MATN2: variants seen among roughly 807,000 people sequenced by gnomAD.
MATN2 encodes matrilin-2.
Under a neutral mutation model 103.2 loss-of-function variants are expected in MATN2, and 69 were observed. That is an observed-to-expected ratio of 0.67 (90% CI 0.55 to 0.82). The LOEUF (loss-of-function observed/expected upper bound fraction) is 0.82, where lower values mean the gene tolerates loss of function less well. Among genes scored for constraint, MATN2 ranks in the 40% least tolerant of loss-of-function variants. The pLI is 0.00. For missense variants in MATN2, 1,023 were observed against 1,211.5 expected (o/e 0.84, Z 2.31); for synonymous variants, 429 against 450.2 (o/e 0.95, Z 0.60).
At chr8:97,918,240 G>C (rs550598389) in intron 2 of MATN2, among the ~76,000 whole-genome samples, 1 of 152,328 alleles carries the variant, frequency 6.6e-6, no homozygotes, top group Admixed American at 6.5e-5. Flanking sequence ...ACCCTGCCTA[G>C]CTCTACAGTC....
At chr8:97,927,986 G>C (rs1223883224) in intron 2 of MATN2, among the ~76,000 whole-genome samples, 1 of 152,096 alleles carries the variant, frequency 6.6e-6, no homozygotes, top group African/African-American at 2.4e-5. Flanking sequence ...CAGGGTCTAA[G>C]CCTGGCCCCT....
intron 5 of MATN2, among the ~76,000 whole-genome samples, chr8:97,969,154 G>C (rs1811576916): frequency 6.6e-6 from 1 of 152,210 alleles, no homozygotes; most frequent in Admixed American, 6.5e-5. Flanking sequence ...CAGGTCTCAT[G>C]TGAACTAACT....
chr8:97,992,958 T>TAAC (rs1554612528), intron 6 of MATN2, among the ~76,000 whole-genome samples: 8 of 146,030 alleles, frequency 5.5e-5, no homozygotes, highest in Middle Eastern at 3.5e-3. Context: ...ATAATAATAA[T>TAAC]AACAACAATA....
intron 13 of MATN2, chr8:98,025,771 C>T (rs1813773146): frequency 4.5e-6 from 2 of 444,664 alleles, no homozygotes; most frequent in Non-Finnish European, 9.0e-6. Context: ...ATGAGATAAT[C>T]CATTTTGGAT....
At chr8:97,876,758 C>T (rs937212068) in intron 1 of MATN2, among the ~76,000 whole-genome samples, 2 of 152,142 alleles carry the variant, frequency 1.3e-5, no homozygotes, top group African/African-American at 4.8e-5. Flanking sequence ...CACCCAGAAT[C>T]CCCGCTCAGG....
intron 5 of MATN2, among the ~76,000 whole-genome samples, chr8:97,977,444 C>T (rs1440708378): frequency 2.0e-5 from 3 of 151,934 alleles, no homozygotes; most frequent in Admixed American, 1.3e-4. Context: ...AGGCCACATT[C>T]GTAGGTACCA....
intron 2 of MATN2, among the ~76,000 whole-genome samples, chr8:97,929,852 C>T (rs1050770783): frequency 6.6e-6 from 1 of 152,172 alleles, no homozygotes; most frequent in African/African-American, 2.4e-5. Flanking sequence ...TGTAACTTCC[C>T]TATGGGAGAG....
At chr8:97,906,699 G>GCAT (rs1328095870) in intron 2 of MATN2, among the ~76,000 whole-genome samples, 1 of 152,230 alleles carries the variant, frequency 6.6e-6, no homozygotes, top group Non-Finnish European at 1.5e-5. Flanking sequence ...ATGCCTGTGT[G>GCAT]CAGATCAAAC....
intron 10 of MATN2, among the ~76,000 whole-genome samples, chr8:98,015,450 G>A (rs549462842): frequency 2.0e-5 from 3 of 151,476 alleles, no homozygotes; most frequent in South Asian, 2.1e-4. Context: ...CCAGGCTCCC[G>A]GATGCTCCAG....
At chr8:97,901,837 G>A (rs530067308) in intron 2 of MATN2, among the ~76,000 whole-genome samples, 83 of 152,116 alleles carry the variant, frequency 5.5e-4, no homozygotes, top group Admixed American at 3.5e-3. Context: ...TTTGTAGAGG[G>A]GATATATTTG....
rs368966413 is a variant in MATN2, at chr8:98,007,257, G to A, written c.1450+30G>A. Reference sequence around the variant, plus strand: ...GTCCCTCCGCGCTCCTCTCATAGGGGAAGGTTTGCACCAGGAGTGAAACCT... The same window carrying A: ...GTCCCTCCGCGCTCCTCTCATAGGGAAAGGTTTGCACCAGGAGTGAAACCT... On this transcript the variant is annotated intron_variant, in intron 9 of 18. Coordinates refer to ENST00000254898, the MANE Select transcript of MATN2 (RefSeq NM_002380.5). This position sits in a 1 kb window ranked among gnomAD's most constrained non-coding sequence, Gnocchi z 4.2. 3 of 1,612,850 alleles carry A rather than the reference G, an allele frequency of 1.9e-6. No homozygotes were observed. The highest frequency in any genetic ancestry group is 4.5e-5 in the East Asian group (2 of 44,852).
chr8:97,966,537 G>C (rs1023505811), intron 5 of MATN2, among the ~76,000 whole-genome samples: 2 of 150,248 alleles, frequency 1.3e-5, no homozygotes, highest in Non-Finnish European at 3.0e-5. Context: ...CTGCACTCTA[G>C]CCTGGGCAAC....
At chr8:97,972,338 CA>C (rs3076713) in intron 5 of MATN2, among the ~76,000 whole-genome samples, 12,457 of 126,696 alleles carry the variant, frequency 0.098, 741 homozygotes, top group African/African-American at 0.22. Context: ...GACCCTGTCT[CA>C]AAAAAAAAAA....
At chr8:98,017,866 C>G in intron 11 of MATN2, 128 bp from the exon 12 acceptor site, 1 of 999,616 alleles carries the variant, frequency 1.0e-6, no homozygotes, top group African/African-American at 1.6e-5. Context: ...ACTTCCTGCC[C>G]CATGGACCAC....
intron 5 of MATN2, among the ~76,000 whole-genome samples, chr8:97,964,307 T>G (rs1811412630): frequency 6.6e-6 from 1 of 152,080 alleles, no homozygotes; most frequent in Non-Finnish European, 1.5e-5. Flanking sequence ...GAGGAGAGGC[T>G]GGTGAGAACT....
At chr8:97,926,592 A>G (rs1475573557) in intron 2 of MATN2, among the ~76,000 whole-genome samples, 1 of 152,164 alleles carries the variant, frequency 6.6e-6, no homozygotes, top group Non-Finnish European at 1.5e-5. Context: ...CTTTCTATAA[A>G]ATGAGTGACT....
intron 2 of MATN2, among the ~76,000 whole-genome samples, chr8:97,923,923 T>C (rs2513837): frequency 0.75 from 113,610 of 152,052 alleles, 42,809 homozygotes; most frequent in East Asian, 0.94. Flanking sequence ...CTGCCATAAT[T>C]TCAGTTTAAA....
chr8:97,930,456 T>A (rs1810139497), intron 2 of MATN2: 1 of 153,376 alleles, frequency 6.5e-6, no homozygotes, highest in South Asian at 2.1e-4. Flanking sequence ...TGCTATCTGA[T>A]TATAGCCAGT....
intron 2 of MATN2, among the ~76,000 whole-genome samples, chr8:97,915,365 G>A (rs1431362302): frequency 6.6e-6 from 1 of 152,146 alleles, no homozygotes. Flanking sequence ...GGCTGAGACT[G>A]GTTCTCATAC....
Sources: allele counts gnomAD v4.1 joint callset (sites outside exome capture counted in the v4.1 genomes callset), GRCh38; gene constraint gnomAD v4.1.1; non-coding constraint Gnocchi (gnomAD v3.1); transcripts MANE v1.5; gene names NCBI Gene and HGNC (gene_info 2026-07-23, HGNC 2026-07-21).